CBFA2T2: variants seen among roughly 807,000 people sequenced by gnomAD.
CBFA2T2 encodes CBFA2/RUNX1 partner transcriptional co-repressor 2.
A neutral mutation model predicts 62.2 loss-of-function variants in CBFA2T2; 11 were observed. The observed-to-expected ratio is 0.18, with a 90% CI of 0.11 to 0.29. The LOEUF (loss-of-function observed/expected upper bound fraction) is 0.29. CBFA2T2 is among the 10% of genes least tolerant of loss of function. The pLI, the probability that CBFA2T2 is intolerant of heterozygous loss-of-function variation, is 1.00. For synonymous variants in CBFA2T2, 295 were observed against 287.5 expected (o/e 1.03, Z -0.27); for missense variants, 592 against 774.1 (o/e 0.76, Z 2.79).
chr20:33,624,336 TAAA>T (rs11419778), intron 5 of CBFA2T2, among the ~76,000 whole-genome samples: 5 of 143,770 alleles, frequency 3.5e-5, no homozygotes, highest in African/African-American at 5.1e-5. Flanking sequence ...TGACTGGCTT[TAAA>T]AAAAAAAAAA....
intron 1 of CBFA2T2, among the ~76,000 whole-genome samples, chr20:33,597,441 T>C (rs947141005): frequency 1.3e-5 from 2 of 152,178 alleles, no homozygotes; most frequent in African/African-American, 4.8e-5. Flanking sequence ...TCAGGCTGCA[T>C]ACCGGTATGG....
rs557746879 is a variant in CBFA2T2 at position 33,503,254 on chromosome 20, C to CTTTTTTTTTTTTT, written c.34+12959_34+12971dup. Among the ~76,000 whole-genome samples, 7 of 108,662 alleles carry CTTTTTTTTTTTTT rather than the reference C, an allele frequency of 6.4e-5. 1 individual carries two copies. Among genetic ancestry groups the CTTTTTTTTTTTTT allele is most frequent in the East Asian group, 2.7e-4 (1 of 3,676 alleles). 71.3% of individuals were successfully genotyped at this position (108,662 alleles called of 152,430 possible). The stretch of plus-strand genomic sequence containing the variant: ...TGTATCTAAATTTCTTTCTTTCTTT[C>CTTTTTTTTTTTTT]TTTTTTTTTTTTTTTTTTGAGATGG... On this transcript the variant is annotated intron_variant, in intron 1 of 10. Transcript: ENST00000342704.
chr20:33,515,350 CAAAAAAA>C (rs11371940), intron 1 of CBFA2T2, among the ~76,000 whole-genome samples: 6,591 of 82,008 alleles, frequency 0.08, 483 homozygotes, highest in Admixed American at 0.27. Flanking sequence ...GACTCCATCT[CAAAAAAA>C]AAAAAAAAAA....
chr20:33,601,258 T>G (rs2015122394), intron 1 of CBFA2T2, among the ~76,000 whole-genome samples: 1 of 151,526 alleles, frequency 6.6e-6, no homozygotes, highest in African/African-American at 2.4e-5. Flanking sequence ...TTTATTGTTG[T>G]TGTTGTTTTT....
intron 1 of CBFA2T2, among the ~76,000 whole-genome samples, chr20:33,575,590 A>T (rs1281463673): frequency 7.2e-5 from 11 of 152,186 alleles, no homozygotes; most frequent in African/African-American, 2.4e-4. Flanking sequence ...GGAAAGAGTT[A>T]TAGAGTCTTT....
chr20:33,586,713 A>G (rs1450838501), intron 1 of CBFA2T2, among the ~76,000 whole-genome samples: 2 of 152,198 alleles, frequency 1.3e-5, no homozygotes, highest in Non-Finnish European at 2.9e-5. Flanking sequence ...TTTGGAAAGT[A>G]TAGATAGAAG....
intron 1 of CBFA2T2, among the ~76,000 whole-genome samples, chr20:33,531,121 G>A (rs2012048521): frequency 6.6e-6 from 1 of 152,182 alleles, no homozygotes; most frequent in Non-Finnish European, 1.5e-5. Flanking sequence ...GCTTCTAGTT[G>A]CAGTAGGAGG....
chr20:33,491,787 C>T (rs1379243365), intron 1 of CBFA2T2, among the ~76,000 whole-genome samples: 1 of 152,004 alleles, frequency 6.6e-6, no homozygotes, highest in African/African-American at 2.4e-5. Flanking sequence ...CTGCAACCTC[C>T]GTCTCCTGGG....
chr20:33,544,980 T>TAGAAC (rs1377815951), intron 1 of CBFA2T2, among the ~76,000 whole-genome samples: 1 of 131,980 alleles, frequency 7.6e-6, no homozygotes, highest in Admixed American at 9.1e-5. Flanking sequence ...TAGAATAGAA[T>TAGAAC]AGAATAGAAT....
chr20:33,638,695 G>C (rs774051377), intron 9 of CBFA2T2: 5 of 152,230 alleles, frequency 3.3e-5, no homozygotes, highest in African/African-American at 4.8e-5. Context: ...AGTGTCCTTA[G>C]GCTTCTGGAT....
chr20:33,566,853 T>C (rs1186507280), intron 1 of CBFA2T2, among the ~76,000 whole-genome samples: 2 of 152,262 alleles, frequency 1.3e-5, no homozygotes, highest in African/African-American at 4.8e-5. Flanking sequence ...GAAGTATGTC[T>C]AGCTGTTGCT....
At chr20:33,538,360 ATTTTCTT>A (rs2012322645) in intron 1 of CBFA2T2, among the ~76,000 whole-genome samples, 1 of 149,216 alleles carries the variant, frequency 6.7e-6, no homozygotes, top group Admixed American at 6.7e-5. Flanking sequence ...ATTCCATTGG[ATTTTCTT>A]TTTTCTTTTT....
chr20:33,568,376 T>G (rs1449218779), intron 1 of CBFA2T2, among the ~76,000 whole-genome samples: 7 of 152,172 alleles, frequency 4.6e-5, no homozygotes, highest in Non-Finnish European at 1.5e-5. Context: ...TAACTAATTC[T>G]AAGTCATGGG....
chr20:33,515,550 ACT>A (rs1197215955), intron 1 of CBFA2T2, among the ~76,000 whole-genome samples: 1 of 151,648 alleles, frequency 6.6e-6, no homozygotes, highest in Non-Finnish European at 1.5e-5. Context: ...ATGGAGTCTC[ACT>A]CTGTCATCCA....
intron 9 of CBFA2T2, 37 bp downstream of exon 9, chr20:33,636,745 C>T: frequency 6.8e-7 from 1 of 1,479,286 alleles, no homozygotes; most frequent in Non-Finnish European, 9.4e-7. Context: ...TACATACTCA[C>T]TAATTTGTGG....
intron 1 of CBFA2T2, among the ~76,000 whole-genome samples, chr20:33,498,664 G>A (rs2011231557): frequency 6.6e-6 from 1 of 152,086 alleles, no homozygotes; most frequent in Admixed American, 6.6e-5. Flanking sequence ...TAGGAGGATC[G>A]CTTGAGCCCA....
intron 8 of CBFA2T2, among the ~76,000 whole-genome samples, chr20:33,634,302 C>T (rs1342928257): frequency 6.6e-6 from 1 of 152,142 alleles, no homozygotes; most frequent in African/African-American, 2.4e-5. Context: ...ACTTAATCAG[C>T]TATCAGTTTT....
At chr20:33,630,969 A>G (rs539077766) in intron 8 of CBFA2T2, among the ~76,000 whole-genome samples, 2 of 152,320 alleles carry the variant, frequency 1.3e-5, no homozygotes, top group African/African-American at 4.8e-5. Flanking sequence ...ATCTAGCACA[A>G]CAAGGCGTCA....
intron 10 of CBFA2T2, 128 bp downstream of exon 10, chr20:33,640,659 C>G: frequency 3.9e-6 from 3 of 773,746 alleles, no homozygotes; most frequent in African/African-American, 1.7e-5. Context: ...TAATTTTTAT[C>G]CAGTGCCAGG....
Sources: allele counts gnomAD v4.1 joint callset (sites outside exome capture counted in the v4.1 genomes callset), GRCh38; gene constraint gnomAD v4.1.1; transcripts MANE v1.5; gene names NCBI Gene and HGNC (gene_info 2026-07-23, HGNC 2026-07-21).